SYCP1: variants seen among roughly 807,000 people sequenced by gnomAD.
SYCP1 encodes the protein synaptonemal complex protein 1.
SYCP1 carries 64 observed loss-of-function variants against 153.1 expected under a neutral mutation model. That is an observed-to-expected ratio of 0.42 (90% CI 0.34 to 0.51). SYCP1 has a LOEUF of 0.51. Ranked by LOEUF, SYCP1 falls within the 20% of genes least tolerant of loss-of-function variation. The pLI, the probability that SYCP1 is intolerant of heterozygous loss-of-function variation, is 0.06. For missense variants in SYCP1, 997 were observed against 1,049.0 expected (o/e 0.95, Z 0.68); for synonymous variants, 384 against 341.8 (o/e 1.12, Z -1.36).
intron 11 of SYCP1, 105 bp from the exon 12 acceptor site, chr1:114,877,989 C>A: frequency 2.9e-6 from 2 of 680,372 alleles, no homozygotes; most frequent in Non-Finnish European, 2.4e-6. Context: ...AGTGGACCAG[C>A]TGAAAAGCAT....
intron 28 of SYCP1, among the ~76,000 whole-genome samples, chr1:114,977,878 C>G (rs374610469): frequency 6.6e-6 from 1 of 151,398 alleles, no homozygotes; most frequent in Non-Finnish European, 1.5e-5. Context: ...CAGTCTTTCT[C>G]TACAATTCTT....
At chr1:114,940,650 G>GT (rs984817534) in intron 23 of SYCP1, among the ~76,000 whole-genome samples, 2 of 152,088 alleles carry the variant, frequency 1.3e-5, no homozygotes, top group African/African-American at 4.8e-5. Flanking sequence ...TATGACTTTA[G>GT]TACTTTGAAA....
intron 16 of SYCP1, among the ~76,000 whole-genome samples, chr1:114,895,795 G>A (rs997085594): frequency 6.6e-6 from 1 of 152,014 alleles, no homozygotes; most frequent in African/African-American, 2.4e-5. Flanking sequence ...AATTTTGGAT[G>A]TTGTACCCTT....
intron 29 of SYCP1, among the ~76,000 whole-genome samples, chr1:114,982,979 C>G (rs534917417): frequency 6.6e-6 from 1 of 151,980 alleles, no homozygotes; most frequent in East Asian, 1.9e-4. Flanking sequence ...CCTTGATTAG[C>G]TTAGTTTTTA....
chr1:114,985,280 G>A (rs1673427075), intron 30 of SYCP1, among the ~76,000 whole-genome samples: 1 of 151,846 alleles, frequency 6.6e-6, no homozygotes. Context: ...TACATCACTG[G>A]TTGATATTTA....
chr1:114,924,479 A>G (rs930680337), intron 21 of SYCP1, among the ~76,000 whole-genome samples: 1 of 152,152 alleles, frequency 6.6e-6, no homozygotes, highest in Non-Finnish European at 1.5e-5. Flanking sequence ...GAGTCTATAG[A>G]AAGGACATCT....
At chr1:114,855,406 A>C (rs1393605348) in intron 1 of SYCP1, 35 bp from the exon 2 acceptor site, 12 of 1,320,564 alleles carry the variant, frequency 9.1e-6, no homozygotes, top group South Asian at 1.3e-5. Context: ...GTGAAAAAAA[A>C]CTTTCCTTCC....
intron 15 of SYCP1, among the ~76,000 whole-genome samples, chr1:114,889,060 A>G (rs1394550343): frequency 6.6e-6 from 1 of 152,156 alleles, no homozygotes; most frequent in East Asian, 1.9e-4. Flanking sequence ...GCTGCGTAGT[A>G]TTCCATGATG....
chr1:114,926,347 AT>A lies in SYCP1; in HGVS notation c.1863+13del. 1.3e-6 allele frequency: 2 copies of A among 1,530,618 alleles called. No homozygotes were observed. Among genetic ancestry groups the A allele is most frequent in the Non-Finnish European group, 1.8e-6 (2 of 1,137,554 alleles). 94.8% of individuals were successfully genotyped at this position (1,530,618 alleles called of 1,614,324 possible). On this transcript the variant is annotated splice_region_variant and intron_variant, in intron 22 of 31. Transcript: ENST00000369522. ...TGAAGAACTTCAGCAGGAGGTATGT[AT>A]TTTTTATAAATATTCTCAAAATCAA...
Position 114,886,214 on chromosome 1 carries a change from A to C in SYCP1, c.1095A>C (p.Glu365Asp), listed in dbSNP as rs1442301363. The stretch of plus-strand genomic sequence containing the variant: ...AAGAAAAAGAAACTCAAATGGAAGA[A>C]TCTAATAAAGCTAGAGCTGCTCATT... ...LTEEKETQME[E>D]SNKARAAHSF... The change falls in exon 14 of 32, where the codon GAA becomes GAC. Residue 365 changes from glutamate to aspartate, a missense_variant. Transcript: ENST00000369522. 62 of 1,612,224 alleles carry C rather than the reference A, an allele frequency of 3.8e-5. No individual in the cohort carries two copies. Among genetic ancestry groups the C allele is most frequent in the Non-Finnish European group, 5.3e-5 (62 of 1,179,320 alleles).
At chr1:114,890,007 C>T (rs1257171749) in intron 15 of SYCP1, among the ~76,000 whole-genome samples, 1 of 151,964 alleles carries the variant, frequency 6.6e-6, no homozygotes, top group Non-Finnish European at 1.5e-5. Context: ...AATTAAGTGG[C>T]TATTTGTCAT....
At chr1:114,938,451 G>A (rs1213893980) in intron 23 of SYCP1, among the ~76,000 whole-genome samples, 1 of 151,830 alleles carries the variant, frequency 6.6e-6, no homozygotes, top group African/African-American at 2.4e-5. Context: ...TAATGTAAAT[G>A]ACGAGTTAAC....
chr1:114,855,369 G>T, intron 1 of SYCP1, 72 bp from the exon 2 acceptor site: 1 of 808,174 alleles, frequency 1.2e-6, no homozygotes, highest in Non-Finnish European at 2.0e-6. Context: ...TCACTTTAAA[G>T]AATACATAGT....
rs187879779 is a variant in SYCP1 at position 114,885,523 on chromosome 1, T to C, written c.911-12T>C. On this transcript the variant is annotated splice_polypyrimidine_tract_variant and intron_variant, in intron 12 of 31. Coordinates refer to ENST00000369522, the MANE Select transcript of SYCP1 (RefSeq NM_003176.4). ...CTGCTAAGTACTATCTATTTATAAC[T>C]TTCTCTTTTAGAATTACAGAGTGAA... 1.6e-4 allele frequency: 232 copies of C among 1,468,454 alleles called. No homozygotes were observed. The African/African-American group carries it at 1.6e-3, about 10-fold the overall frequency. 91.0% of individuals were successfully genotyped at this position (1,468,454 alleles called of 1,614,324 possible).
rs569668855 is a variant in SYCP1, at chr1:114,901,611, T to C, written c.1320+6102T>C. ...GGCAAAGGCTAGAATAAAACATTGC[T>C]ATGTGGTTACAGGTCTTGCTCCCAA... On this transcript the variant is annotated intron_variant, in intron 16 of 31. Transcript: ENST00000369522. Among the ~76,000 whole-genome samples the C allele has an allele frequency of 2.6e-5, 4 of 152,274 alleles. No homozygotes were observed. The South Asian group carries it at 8.3e-4, about 32-fold the overall frequency.
intron 8 of SYCP1, among the ~76,000 whole-genome samples, chr1:114,871,711 T>G (rs1557758879): frequency 6.6e-6 from 1 of 152,046 alleles, no homozygotes; most frequent in African/African-American, 2.4e-5. Flanking sequence ...TAGCTGGTAT[T>G]ACAGGCGTGT....
At chr1:114,898,445 A>G (rs976088636) in intron 16 of SYCP1, among the ~76,000 whole-genome samples, 1 of 152,204 alleles carries the variant, frequency 6.6e-6, no homozygotes, top group Non-Finnish European at 1.5e-5. Flanking sequence ...GATTTGCAAG[A>G]TAATTGCTCA....
intron 23 of SYCP1, among the ~76,000 whole-genome samples, chr1:114,930,736 G>A (rs1669571064): frequency 6.6e-6 from 1 of 151,840 alleles, no homozygotes; most frequent in South Asian, 2.1e-4. Flanking sequence ...CAATTCTCAA[G>A]TAGGTTTTTG....
At position 114,876,787 on chromosome 1, in the gene SYCP1, G is replaced by T; in HGVS notation, c.778G>T (p.Glu260Ter). 1 of 1,390,322 alleles carries T rather than the reference G, an allele frequency of 7.2e-7. No homozygotes were observed. The highest frequency in any genetic ancestry group is 9.4e-7 in the Non-Finnish European group (1 of 1,066,850). 86.1% of individuals were successfully genotyped at this position (1,390,322 alleles called of 1,614,324 possible). Residue 260 changes from glutamate (E) to a stop codon, truncating the protein, a stop_gained, in exon 11 of 32, where the codon GAA becomes TAA. Transcript: ENST00000369522. LOFTEE classifies it high-confidence loss of function. Reference sequence around the variant, plus strand: ...ACACCTTGAACAAGAATACAAGAAGGAAATAAATGACAAGGAAAAGCAGGT... The same window carrying T: ...ACACCTTGAACAAGAATACAAGAAGTAAATAAATGACAAGGAAAAGCAGGT... ...IQHLEQEYKK[E>*]INDKEKQVSL...
Sources: gnomAD v4.1 joint callset for allele counts (sites outside exome capture counted in the v4.1 genomes callset) on GRCh38, gnomAD v4.1.1 for gene constraint, MANE v1.5 for transcripts, NCBI Gene and HGNC (gene_info 2026-07-23, HGNC 2026-07-21) for gene names.